The following CAMTA1 variants were observed in gnomAD, a reference collection of about 807,000 sequenced individuals.
The protein encoded by CAMTA1 is calmodulin binding transcription activator 1.
In CAMTA1, 27 loss-of-function variants were observed where a neutral mutation model predicts 170.9. That is an observed-to-expected ratio of 0.16 (90% CI 0.12 to 0.22). The LOEUF is 0.22. Among genes scored for constraint, CAMTA1 ranks in the 10% least tolerant of loss-of-function variants. The pLI is 1.00. For missense variants in CAMTA1, 1,619 were observed against 2,217.2 expected (o/e 0.73, Z 5.42); for synonymous variants, 833 against 891.5 (o/e 0.93, Z 1.17).
At chr1:7,167,176 T>C (rs1648659022) in intron 4 of CAMTA1, among the ~76,000 whole-genome samples, 1 of 152,204 alleles carries the variant, frequency 6.6e-6, no homozygotes, top group Non-Finnish European at 1.5e-5. Context: ...TAAATCTTTA[T>C]CCTAATCCAT....
rs1490456753 is a variant in CAMTA1 at position 7,748,062 on chromosome 1, G to A, written c.4689+281G>A. 2.6e-5 allele frequency among the ~76,000 whole-genome samples: 4 copies of A among 151,972 alleles called. No homozygotes were observed. The highest frequency in any genetic ancestry group is 5.9e-5 in the Non-Finnish European group (4 of 67,976). Reference sequence around the variant, plus strand: ...CGAGTAGCTGGGACTACAGGCGTGTGCTACCATGCCCAGCTGATTTTTCTA... The same window carrying A: ...CGAGTAGCTGGGACTACAGGCGTGTACTACCATGCCCAGCTGATTTTTCTA... On this transcript the variant is annotated intron_variant, in intron 19 of 22. Coordinates refer to ENST00000303635, the MANE Select transcript of CAMTA1 (RefSeq NM_015215.4). The surrounding 1 kb of genome is among the most constrained non-coding windows in gnomAD (Gnocchi z 4.7).
At position 7,683,201 on chromosome 1, in the gene CAMTA1, A is replaced by C. The variant is rs12134153; in HGVS notation, c.2914+5468A>C. Among the ~76,000 whole-genome samples the C allele has an allele frequency of 3.6e-3, 540 of 150,608 alleles. 4 individuals are homozygous for C. Among genetic ancestry groups the C allele is most frequent in the Non-Finnish European group, 6.0e-3 (405 of 67,636 alleles). On this transcript the variant is annotated intron_variant, in intron 11 of 22. Coordinates refer to ENST00000303635, the MANE Select transcript of CAMTA1 (RefSeq NM_015215.4). ...TGTCTCAAAAAAAAAAAAAAAAAAG[A>C]ACATACAATGTACACTGAGAACACA...
Position 7,398,181 on chromosome 1 carries a change from CTCTCT to C in CAMTA1, c.439-69648_439-69644del, listed in dbSNP as rs1557651220. On this transcript the variant is annotated intron_variant, in intron 5 of 22. Transcript: ENST00000303635. ...TCTCTCTCTCTCTCTCTCTCTCTCTCTCTCTCTCTCTCTATATATATATATATATA... is the reference window on the plus strand; with the variant it reads ...TCTCTCTCTCTCTCTCTCTCTCTCTCCTCTCTCTATATATATATATATATA... 1.5e-3 allele frequency among the ~76,000 whole-genome samples: 67 copies of C among 45,568 alleles called. 1 individual carries two copies. The highest frequency in any genetic ancestry group is 5.4e-3 in the African/African-American group (65 of 11,948). 29.9% of individuals were successfully genotyped at this position (45,568 alleles called of 152,430 possible). A position where few individuals can be genotyped will look rare whatever the true frequency, so the allele number is the denominator to read the frequency against.
chr1:7,515,970 CCT>C (rs2094279809), intron 6 of CAMTA1, among the ~76,000 whole-genome samples: 1 of 152,278 alleles, frequency 6.6e-6, no homozygotes, highest in South Asian at 2.1e-4. Flanking sequence ...ACTGATGTCC[CCT>C]GAGTCTTTGC....
At chr1:7,742,570 A>G (rs1035899748) in intron 16 of CAMTA1, among the ~76,000 whole-genome samples, 3 of 152,280 alleles carry the variant, frequency 2.0e-5, no homozygotes, top group Non-Finnish European at 2.9e-5. Flanking sequence ...TCTGAGCACA[A>G]TCCATGAAAT....
chr1:6,990,795 C>G (rs996318061), intron 3 of CAMTA1, among the ~76,000 whole-genome samples: 4 of 128,224 alleles, frequency 3.1e-5, no homozygotes, highest in Non-Finnish European at 6.5e-5. Flanking sequence ...GTCTCTCTCT[C>G]TCTCTCTCTC....
At chr1:6,865,027 A>G (rs1346670868) in intron 3 of CAMTA1, among the ~76,000 whole-genome samples, 1 of 152,076 alleles carries the variant, frequency 6.6e-6, no homozygotes, top group African/African-American at 2.4e-5. Flanking sequence ...CTGGTCTGAA[A>G]CTTCTGGGCT....
intron 3 of CAMTA1, among the ~76,000 whole-genome samples, chr1:7,081,269 G>C (rs1258398627): frequency 6.6e-6 from 1 of 152,220 alleles, no homozygotes; most frequent in Non-Finnish European, 1.5e-5. Flanking sequence ...ATGTGTCTTT[G>C]CCACTGTCAT....
At chr1:6,991,509 A>G (rs1696361815) in intron 3 of CAMTA1, among the ~76,000 whole-genome samples, 1 of 152,194 alleles carries the variant, frequency 6.6e-6, no homozygotes, top group Admixed American at 6.5e-5. Flanking sequence ...TTAGTCATCC[A>G]TATATCTCCC....
intron 5 of CAMTA1, among the ~76,000 whole-genome samples, chr1:7,429,056 G>A (rs1319359049): frequency 6.6e-6 from 1 of 152,198 alleles, no homozygotes; most frequent in Non-Finnish European, 1.5e-5. Context: ...TTCTTGGAGT[G>A]CTTTCTGCTT....
At chr1:7,538,196 G>A (rs951196061) in intron 6 of CAMTA1, among the ~76,000 whole-genome samples, 4 of 152,134 alleles carry the variant, frequency 2.6e-5, no homozygotes, top group Admixed American at 6.5e-5. Context: ...CTCCCACCAC[G>A]GCCAATTCTC....
chr1:7,693,428 CAGTT>C (rs2096340913), intron 11 of CAMTA1: 1 of 152,296 alleles, frequency 6.6e-6, no homozygotes, highest in African/African-American at 2.4e-5. Flanking sequence ...CCAACCATAT[CAGTT>C]AGCCACCTGT....
At chr1:6,798,565 C>T (rs1643119626) in intron 1 of CAMTA1, among the ~76,000 whole-genome samples, 1 of 151,206 alleles carries the variant, frequency 6.6e-6, no homozygotes. Flanking sequence ...CCACAGGCGC[C>T]CACCACCACA....
At chr1:7,523,817 A>C (rs2149993049) in intron 6 of CAMTA1, among the ~76,000 whole-genome samples, 1 of 151,988 alleles carries the variant, frequency 6.6e-6, no homozygotes, top group Non-Finnish European at 1.5e-5. Context: ...TGGGAGGCAG[A>C]GCTTGCCGTG....
rs546163962 is a variant in CAMTA1, at chr1:6,981,132, A to C, written c.235-110172A>C. 3.3e-5 allele frequency among the ~76,000 whole-genome samples: 5 copies of C among 152,264 alleles called. No homozygotes were observed. The South Asian group carries it at 1.0e-3, about 32-fold the overall frequency. On this transcript the variant is annotated intron_variant, in intron 3 of 22. Coordinates refer to ENST00000303635, the MANE Select transcript of CAMTA1 (RefSeq NM_015215.4). ...TCTGCAGTAAGACGTAAATACACCA[A>C]GTGGGACCAATAAGGGCAATAGATG...
intron 6 of CAMTA1, among the ~76,000 whole-genome samples, chr1:7,630,271 C>G (rs367835803): frequency 1.6e-4 from 25 of 152,306 alleles, no homozygotes; most frequent in African/African-American, 5.8e-4. Context: ...GACCCTCTGT[C>G]CCCTCTTGAG....
intron 5 of CAMTA1, among the ~76,000 whole-genome samples, chr1:7,374,885 A>G (rs1247252089): frequency 1.3e-5 from 2 of 152,244 alleles, no homozygotes; most frequent in Non-Finnish European, 2.9e-5. Flanking sequence ...CAGCGGGACC[A>G]GGATCTGAAG....
At chr1:7,157,584 T>C (rs756411362) in intron 4 of CAMTA1, among the ~76,000 whole-genome samples, 9 of 152,192 alleles carry the variant, frequency 5.9e-5, no homozygotes, top group Non-Finnish European at 1.0e-4. Context: ...GGAAGCTTCA[T>C]ACATTATTGA....
chr1:7,323,982 A>G (rs1336071157), intron 5 of CAMTA1, among the ~76,000 whole-genome samples: 1 of 152,176 alleles, frequency 6.6e-6, no homozygotes, highest in South Asian at 2.1e-4. Context: ...CTGTGGTGCA[A>G]TGCCCTATAT....
Sources: allele counts gnomAD v4.1 joint callset (sites outside exome capture counted in the v4.1 genomes callset), GRCh38; gene constraint gnomAD v4.1.1; non-coding constraint Gnocchi (gnomAD v3.1); transcripts MANE v1.5; gene names NCBI Gene and HGNC (gene_info 2026-07-23, HGNC 2026-07-21).